The following PIGG variants were observed in gnomAD, a reference collection of about 807,000 sequenced individuals.
The protein encoded by PIGG is phosphatidylinositol glycan anchor biosynthesis class G (EMM blood group), also known as GPI ethanolamine phosphate transferase 2, catalytic subunit.
PIGG carries 70 observed loss-of-function variants against 83.2 expected under a neutral mutation model. The observed-to-expected ratio is 0.84, with a 90% CI of 0.69 to 1.03. The LOEUF is 1.03. PIGG is among the 50% of genes least tolerant of loss of function. The probability of loss-of-function intolerance (pLI) is 0.00; values close to 1 mark genes in which losing one functional copy is unlikely to be tolerated. For synonymous variants in PIGG, 532 were observed against 519.5 expected (o/e 1.02, Z -0.33); for missense variants, 1,257 against 1,233.6 (o/e 1.02, Z -0.28).
rs1478489110 is a variant in PIGG, at chr4:515,417, T to C, written c.902-556T>C. Among the ~76,000 whole-genome samples the C allele has an allele frequency of 6.6e-6, 1 of 152,212 alleles. No homozygotes were observed. The highest frequency in any genetic ancestry group is 1.9e-4 in the East Asian group (1 of 5,188). ...TTAGCCAGCAGGCAGATGTCCAGCT[T>C]GTCCAAGTTGATTAGAGCACCCGGC... On this transcript the variant is annotated intron_variant, in intron 5 of 12. Transcript: ENST00000453061. The surrounding 1 kb of genome is among the most constrained non-coding windows in gnomAD (Gnocchi z 4.2).
At chr4:516,468 A>C (rs1238519099) in intron 6 of PIGG, among the ~76,000 whole-genome samples, 1 of 152,218 alleles carries the variant, frequency 6.6e-6, no homozygotes, top group African/African-American at 2.4e-5. Flanking sequence ...GGCACTGGAG[A>C]CAGAGCAGGT....
At position 499,210 on chromosome 4, in the gene PIGG, AC is replaced by A. The variant is rs1200333097; in HGVS notation, c.-125del. On this transcript the variant is annotated 5_prime_UTR_variant, in exon 1 of 13. In the 5' UTR this introduces an upstream ATG that the reference lacks. Coordinates refer to ENST00000453061, the MANE Select transcript of PIGG (RefSeq NM_001127178.3). ...GTGGCGCGCCGGCGGACGTGACGCC[AC>A]TGTCGCTGCGACGATAAGGCCTGGC... is the stretch of plus-strand genomic sequence containing the variant. The A allele has an allele frequency of 4.9e-6, 5 of 1,030,808 alleles. No individual in the cohort carries two copies. The allele number at this position is 1,030,808 out of a possible 1,614,324, so 63.9% of individuals were successfully genotyped here.
Position 516,110 on chromosome 4 carries a change from C to T in PIGG, c.1039C>T (p.Gln347Ter), listed in dbSNP as rs750397454. Reference protein sequence around the residue: ...PVVEGRPMREQLRFLHLNTVQ... With the variant: ...PVVEGRPMRE The stretch of plus-strand genomic sequence containing the variant: ...TGTGGAAGGAAGACCAATGAGAGAG[C>T]AGTTGAGATTTTTACATTTGAATAC... Residue 347 changes from glutamine (Q) to a stop codon, truncating the protein, a stop_gained, in exon 6 of 13, where the codon CAG becomes TAG. Transcript: ENST00000453061. LOFTEE classifies it high-confidence loss of function. The T allele has an allele frequency of 3.1e-6, 5 of 1,613,872 alleles. No individual in the cohort carries two copies. The highest frequency in any genetic ancestry group is 4.2e-6 in the Non-Finnish European group (5 of 1,179,756).
chr4:534,202 G>A (rs945071744), intron 12 of PIGG, among the ~76,000 whole-genome samples: 7 of 152,114 alleles, frequency 4.6e-5, no homozygotes, highest in African/African-American at 1.4e-4. Flanking sequence ...GGGCCTCGCC[G>A]GGCTCCCCAG....
chr4:523,136 C>T (rs1726512471), intron 8 of PIGG, among the ~76,000 whole-genome samples: 1 of 152,110 alleles, frequency 6.6e-6, no homozygotes, highest in South Asian at 2.1e-4. Flanking sequence ...TGCACCACTG[C>T]CCAGAGGGTT....
chr4:515,281 C>T lies in PIGG; in HGVS notation c.902-692C>T, dbSNP rs775933064. ...CTTCGACCAAGTTGAGTTTCTGCTCCGAAATCATAGTGGATGGTGGCAGAG... is the reference window on the plus strand; with the variant it reads ...CTTCGACCAAGTTGAGTTTCTGCTCTGAAATCATAGTGGATGGTGGCAGAG... On this transcript the variant is annotated intron_variant, in intron 5 of 12. Transcript: ENST00000453061. This position sits in a 1 kb window ranked among gnomAD's most constrained non-coding sequence, Gnocchi z 4.2. 3.9e-5 allele frequency among the ~76,000 whole-genome samples: 6 copies of T among 152,212 alleles called. No homozygotes were observed. The highest frequency in any genetic ancestry group is 7.3e-5 in the Non-Finnish European group (5 of 68,042).
chr4:526,078 C>G lies in PIGG; in HGVS notation c.2070-961C>G, dbSNP rs115661179. 7.8e-3 allele frequency among the ~76,000 whole-genome samples: 1,191 copies of G among 152,308 alleles called. 8 individuals are homozygous for G. Among genetic ancestry groups the G allele is most frequent in the African/African-American group, 0.028 (1,143 of 41,560 alleles). ...CGCATTATCCGCGGTTTTCCTTACGCGAGGTCAACCATAGTCTGAAAATAT... is the reference window on the plus strand; with the variant it reads ...CGCATTATCCGCGGTTTTCCTTACGGGAGGTCAACCATAGTCTGAAAATAT... On this transcript the variant is annotated intron_variant, in intron 9 of 12. Coordinates refer to ENST00000453061, the MANE Select transcript of PIGG (RefSeq NM_001127178.3).
rs753304209 is a variant in PIGG, at chr4:521,232, G to A, written c.1291G>A (p.Asp431Asn). 7 of 1,613,912 alleles carry A rather than the reference G, an allele frequency of 4.3e-6. No homozygotes were observed. The highest frequency in any genetic ancestry group is 2.7e-5 in the African/African-American group (2 of 74,904). The change falls in exon 7 of 13, where the codon GAC (aspartate) becomes AAC (asparagine). Residue 431 changes from aspartate to asparagine, a missense_variant. By Grantham distance (23) the Asp-to-Asn change is conservative. Coordinates refer to ENST00000453061, the MANE Select transcript of PIGG (RefSeq NM_001127178.3). ...LSLSAQVAQY[D>N]IYSMMVGTVV... ...CCTGAGTGCACAAGTGGCCCAGTAC[G>A]ACATCTATTCGATGATGGTGGGGAC...
rs766244146 is a variant in PIGG, at chr4:523,484, GGTCAGAGCTAGACCTTCTTATTCT to G, written c.1643_1666del (p.Ser548_Leu555del). On this transcript the variant is annotated inframe_deletion, in exon 9 of 13. Coordinates refer to ENST00000453061, the MANE Select transcript of PIGG (RefSeq NM_001127178.3). ...AACCCCATGCATCCCAGCTCAAGGT[GGTCAGAGCTAGACCTTCTTATTCT>G]GTTGGGGACGGCGGGCCACGTCTTG... 1.2e-6 allele frequency: 2 copies of G among 1,611,702 alleles called. No individual in the cohort carries two copies. The highest frequency in any genetic ancestry group is 2.2e-5 in the South Asian group (2 of 90,948).
chr4:532,917 G>A (rs933039231), intron 11 of PIGG: 1 of 124,350 alleles, frequency 8.0e-6, no homozygotes, highest in African/African-American at 3.5e-5. Flanking sequence ...TAGGAATGGA[G>A]AGGTGGGGCC....
In PIGG at chr4:523,579, T is replaced by C; in HGVS notation, c.1735T>C (p.Tyr579His). ...SFVEEEHQTWYFLVNTLCLAL... is the reference protein window; with the variant it reads ...SFVEEEHQTWHFLVNTLCLAL... ...CGTGGAGGAGGAGCACCAGACCTGG[T>C]ACTTCCTTGTGAACACCCTGTGTCT... Residue 579 changes from tyrosine (Y) to histidine (H), a missense_variant, in exon 9 of 13, where the codon TAC becomes CAC. Tyr to His is a moderately conservative substitution (Grantham distance 83). Transcript: ENST00000453061. The C allele has an allele frequency of 1.2e-6, 2 of 1,614,142 alleles. No individual in the cohort carries two copies. The highest frequency in any genetic ancestry group is 1.7e-6 in the Non-Finnish European group (2 of 1,179,994).
Position 539,135 on chromosome 4 carries a change from TTTC to T in PIGG, c.2736-15_2736-13del. On this transcript the variant is annotated splice_polypyrimidine_tract_variant and intron_variant, in intron 12 of 12. Coordinates refer to ENST00000453061, the MANE Select transcript of PIGG (RefSeq NM_001127178.3). ...GTAAGTGGCATGTGCTAATACACAT[TTTC>T]TTTCTTATTAACAGTGGTTCAGCAC... is the stretch of plus-strand genomic sequence containing the variant. 6.5e-7 allele frequency: 1 copy of T among 1,539,578 alleles called. No homozygotes were observed. The highest frequency in any genetic ancestry group is 9.0e-7 in the Non-Finnish European group (1 of 1,114,202).
rs377765588 is a variant in PIGG at position 523,693 on chromosome 4, G to A, written c.1849G>A (p.Gly617Arg). 50 of 1,614,112 alleles carry A rather than the reference G, an allele frequency of 3.1e-5. No homozygotes were observed. The highest frequency in any genetic ancestry group is 6.7e-5 in the East Asian group (3 of 44,894). The change falls in exon 9 of 13, where the codon GGG becomes AGG. Residue 617 changes from glycine (G) to arginine (R), a missense_variant. By Grantham distance (125) the Gly-to-Arg change is moderately radical. Coordinates refer to ENST00000453061, the MANE Select transcript of PIGG (RefSeq NM_001127178.3). Reference sequence around the variant, plus strand: ...CCTCTGTGTGGAACAAGGGCATGACGGGGCCACAGCAGCGTGGCAGGACGG... The same window carrying A: ...CCTCTGTGTGGAACAAGGGCATGACAGGGCCACAGCAGCGTGGCAGGACGG... ...CGLCVEQGHD[G>R]ATAAWQDGPG...
chr4:510,612 T>C lies in PIGG; in HGVS notation c.901+1642T>C, dbSNP rs1055344568. On this transcript the variant is annotated intron_variant, in intron 5 of 12. Transcript: ENST00000453061. ...GCTAGGAATGGTGGGGGCAGCTGCA[T>C]GCGTGCAGGCTGCCTGCAAGTGCCG... Among the ~76,000 whole-genome samples the C allele has an allele frequency of 5.4e-4, 82 of 152,234 alleles. 1 individual carries two copies. Among genetic ancestry groups the C allele is most frequent in the African/African-American group, 1.6e-3 (66 of 41,464 alleles).
rs142623303 is a variant in PIGG, at chr4:519,340, G to A, written c.1115-1716G>A. On this transcript the variant is annotated intron_variant, in intron 6 of 12. Coordinates refer to ENST00000453061, the MANE Select transcript of PIGG (RefSeq NM_001127178.3). ...GCACAGTGCCTGGCACGTCGTCCACGCTCCATGGATATTTGTTTCGATGCA... is the reference window on the plus strand; with the variant it reads ...GCACAGTGCCTGGCACGTCGTCCACACTCCATGGATATTTGTTTCGATGCA... 3.9e-5 allele frequency among the ~76,000 whole-genome samples: 6 copies of A among 152,310 alleles called. No homozygotes were observed. The South Asian group carries it at 6.2e-4, about 16-fold the overall frequency.
intron 4 of PIGG, 92 bp downstream of exon 4, chr4:507,685 T>C: frequency 9.3e-7 from 1 of 1,071,528 alleles, no homozygotes; most frequent in Non-Finnish European, 1.3e-6. Flanking sequence ...TCAGGGTGCC[T>C]GTGTGAATGT....
Position 521,995 on chromosome 4 carries a change from CTTG to C in PIGG, c.1614+57_1614+59del, listed in dbSNP as rs763313568. On this transcript the variant is annotated intron_variant, in intron 8 of 12. Transcript: ENST00000453061. The stretch of plus-strand genomic sequence containing the variant: ...ACGTAGTCCTTCTGCTCAGGTTGTT[CTTG>C]TTATTTCAGGCTGCCTTTCGTTTAC... 5 of 1,585,648 alleles carry C rather than the reference CTTG, an allele frequency of 3.2e-6. No homozygotes were observed. In the South Asian group the frequency reaches 4.4e-5, roughly 14 times the overall value.
At chr4:524,407 T>C (rs1726992221) in intron 9 of PIGG, among the ~76,000 whole-genome samples, 1 of 152,086 alleles carries the variant, frequency 6.6e-6, no homozygotes, top group African/African-American at 2.4e-5. Context: ...ACAGGAGGCA[T>C]GGTGTCGGCA....
chr4:529,127 GGGA>G (rs895908963), intron 10 of PIGG, among the ~76,000 whole-genome samples: 2 of 152,150 alleles, frequency 1.3e-5, no homozygotes, highest in Middle Eastern at 3.2e-3. Context: ...GCCCGGCCAG[GGGA>G]GGAGGAGGAG....
Sources: allele counts gnomAD v4.1 joint callset (sites outside exome capture counted in the v4.1 genomes callset), GRCh38; gene constraint gnomAD v4.1.1; non-coding constraint Gnocchi (gnomAD v3.1); transcripts MANE v1.5; gene names NCBI Gene and HGNC (gene_info 2026-07-23, HGNC 2026-07-21).